The following RNF150 variants were observed in gnomAD, a reference collection of about 807,000 sequenced individuals.
RNF150 encodes the protein ring finger protein 150.
A neutral mutation model predicts 39.3 loss-of-function variants in RNF150; 24 were observed. The ratio of observed to expected loss-of-function variants is 0.61; its 90% CI spans 0.44 to 0.86. The LOEUF is 0.86. Among genes scored for constraint, RNF150 ranks in the 40% least tolerant of loss-of-function variants. The probability of loss-of-function intolerance (pLI) is 0.00; values close to 1 mark genes in which losing one functional copy is unlikely to be tolerated. For missense variants in RNF150, 502 were observed against 587.8 expected, an observed-to-expected ratio of 0.85 and a Z score of 1.51; for synonymous variants, 255 against 227.3, an observed-to-expected ratio of 1.12 and a Z score of -1.10.
intron 6 of RNF150, among the ~76,000 whole-genome samples, chr4:140,875,721 G>A (rs527776581): frequency 6.7e-6 from 1 of 150,330 alleles, no homozygotes; most frequent in African/African-American, 2.4e-5. Context: ...TTTTGTTTGT[G>A]TTTTTTTTTA....
intron 1 of RNF150, among the ~76,000 whole-genome samples, chr4:140,975,412 A>G (rs1733626847): frequency 1.3e-5 from 2 of 152,164 alleles, no homozygotes; most frequent in Non-Finnish European, 2.9e-5. Context: ...CCTGGAACCA[A>G]TCCCCAGGGA....
At chr4:141,102,507 A>G (rs1413100385) in intron 1 of RNF150, among the ~76,000 whole-genome samples, 2 of 152,182 alleles carry the variant, frequency 1.3e-5, no homozygotes, top group Non-Finnish European at 2.9e-5. Flanking sequence ...TCATATTAAA[A>G]GAGAGGAAGA....
chr4:140,966,209 G>A (rs1579011124), intron 2 of RNF150, among the ~76,000 whole-genome samples: 1 of 151,922 alleles, frequency 6.6e-6, no homozygotes, highest in Non-Finnish European at 1.5e-5. Context: ...GTGTGGTGGT[G>A]TATGCCTGTA....
At chr4:141,182,503 T>A (rs768701744) in intron 1 of RNF150, among the ~76,000 whole-genome samples, 35 of 13,654 alleles carry the variant, frequency 2.6e-3, no homozygotes, top group Middle Eastern at 9.6e-3. Context: ...AAAATCAATG[T>A]ACAAAAATCA....
chr4:141,133,763 G>A (rs973212050), upstream of RNF150, among the ~76,000 whole-genome samples: 1 of 152,128 alleles, frequency 6.6e-6, no homozygotes, highest in Non-Finnish European at 1.5e-5. Context: ...ACTGCCGTGA[G>A]CTCCCTGATT....
chr4:140,883,515 C>T (rs1327733763), intron 6 of RNF150, among the ~76,000 whole-genome samples: 1 of 152,008 alleles, frequency 6.6e-6, no homozygotes, highest in African/African-American at 2.4e-5. Context: ...CTTTATTTCC[C>T]CTTCAGTTTT....
intron 1 of RNF150, among the ~76,000 whole-genome samples, chr4:141,138,511 G>C (rs1254081196): frequency 2.0e-5 from 3 of 152,088 alleles, no homozygotes; most frequent in African/African-American, 7.2e-5. Flanking sequence ...TGTAAAGGCT[G>C]GCATTATTAT....
chr4:140,884,039 T>C (rs1307436262), intron 6 of RNF150, among the ~76,000 whole-genome samples: 1 of 152,188 alleles, frequency 6.6e-6, no homozygotes, highest in Non-Finnish European at 1.5e-5. Context: ...TCACTGATTC[T>C]TCCTTCTGTT....
chr4:141,096,200 T>TTC (rs1553946582), intron 1 of RNF150, among the ~76,000 whole-genome samples: 2 of 127,564 alleles, frequency 1.6e-5, no homozygotes, highest in Admixed American at 1.6e-4. Flanking sequence ...CTTTTTTTTT[T>TTC]TTTTTTTTTT....
intron 4 of RNF150, among the ~76,000 whole-genome samples, chr4:140,931,377 C>A (rs1232350533): frequency 6.6e-6 from 1 of 152,170 alleles, no homozygotes; most frequent in Non-Finnish European, 1.5e-5. Flanking sequence ...ACAATCATTT[C>A]TTTTTGGTAG....
At chr4:140,917,769 A>G (rs1465590041) in intron 5 of RNF150, among the ~76,000 whole-genome samples, 1 of 151,220 alleles carries the variant, frequency 6.6e-6, no homozygotes. Flanking sequence ...CACCTATTCC[A>G]AAATTGACCA....
chr4:141,052,160 C>T (rs1736801116), intron 1 of RNF150, among the ~76,000 whole-genome samples: 2 of 152,216 alleles, frequency 1.3e-5, no homozygotes, highest in South Asian at 4.2e-4. Flanking sequence ...CCACCACTTC[C>T]TCCCATGACA....
chr4:141,177,939 G>A (rs1727840738), intron 1 of RNF150, among the ~76,000 whole-genome samples: 1 of 152,064 alleles, frequency 6.6e-6, no homozygotes, highest in Non-Finnish European at 1.5e-5. Flanking sequence ...AGCAAATATG[G>A]TAATTAAGGT....
chr4:140,910,116 T>TC (rs1191335693), intron 6 of RNF150, among the ~76,000 whole-genome samples: 1 of 152,212 alleles, frequency 6.6e-6, no homozygotes, highest in African/African-American at 2.4e-5. Context: ...TGAAGTTTTT[T>TC]CATCAGAAAA....
chr4:141,130,721 C>T (rs1726872929), intron 1 of RNF150, among the ~76,000 whole-genome samples: 1 of 152,306 alleles, frequency 6.6e-6, no homozygotes, highest in Admixed American at 6.5e-5. Flanking sequence ...AAAAAAGCTT[C>T]CTTCACCCCT....
In RNF150 at chr4:140,921,096, G is replaced by T. The variant is rs568580127; in HGVS notation, c.987+4881C>A. ...CCTAACGCTAAATGACGAGTTAATGGGTGCAGCACACCAGCATGGCACATG... is the reference window on the plus strand; with the variant it reads ...CCTAACGCTAAATGACGAGTTAATGTGTGCAGCACACCAGCATGGCACATG... On this transcript the variant is annotated intron_variant, in intron 5 of 6. Coordinates refer to ENST00000515673, the MANE Select transcript of RNF150 (RefSeq NM_020724.2). Among the ~76,000 whole-genome samples, 4 of 150,144 alleles carry T rather than the reference G, an allele frequency of 2.7e-5. No individual in the cohort carries two copies. The East Asian group carries it at 7.9e-4, about 30-fold the overall frequency.
intron 1 of RNF150, among the ~76,000 whole-genome samples, chr4:141,047,376 C>T (rs1162880907): frequency 1.3e-5 from 2 of 152,116 alleles, no homozygotes; most frequent in African/African-American, 4.8e-5. Flanking sequence ...GCAGCTGAGA[C>T]AGGCAGAGGC....
At chr4:141,078,890 C>CAT (rs201246568) in intron 1 of RNF150, among the ~76,000 whole-genome samples, 3 of 143,570 alleles carry the variant, frequency 2.1e-5, no homozygotes, top group Admixed American at 1.4e-4. Context: ...TATACACATA[C>CAT]ATATATATAC....
intron 1 of RNF150, among the ~76,000 whole-genome samples, chr4:141,180,529 C>T (rs761215377): frequency 5.9e-5 from 9 of 151,910 alleles, no homozygotes; most frequent in East Asian, 1.9e-4. Context: ...GGTCTGCAAT[C>T]GATTCTGATC....
Sources: allele counts gnomAD v4.1 joint callset (sites outside exome capture counted in the v4.1 genomes callset), GRCh38; gene constraint gnomAD v4.1.1; transcripts MANE v1.5; gene names NCBI Gene and HGNC (gene_info 2026-07-23, HGNC 2026-07-21).